The following DYNC1I1 variants were observed in gnomAD, a reference collection of about 807,000 sequenced individuals.
DYNC1I1 encodes the protein dynein cytoplasmic 1 intermediate chain 1, also known as cytoplasmic dynein 1 intermediate chain 1.
A neutral mutation model predicts 86.6 loss-of-function variants in DYNC1I1; 43 were observed. That is an observed-to-expected ratio of 0.50 (90% CI 0.39 to 0.64). The LOEUF is 0.64. Among genes scored for constraint, DYNC1I1 ranks in the 30% least tolerant of loss-of-function variants. DYNC1I1 has a pLI of 0.00. For missense variants in DYNC1I1, 604 were observed against 788.8 expected (o/e 0.77, Z 2.81); for synonymous variants, 262 against 283.7 (o/e 0.92, Z 0.77).
At chr7:95,800,667 C>T (rs1794555218) in intron 1 of DYNC1I1, among the ~76,000 whole-genome samples, 1 of 152,184 alleles carries the variant, frequency 6.6e-6, no homozygotes, top group Non-Finnish European at 1.5e-5. Context: ...GATGATCAGA[C>T]AGGGAGGAGC....
intron 14 of DYNC1I1, among the ~76,000 whole-genome samples, chr7:96,049,806 C>T (rs999248038): frequency 1.8e-4 from 28 of 151,946 alleles, no homozygotes; most frequent in Non-Finnish European, 3.5e-4. Flanking sequence ...CCGAGGTGAG[C>T]GGATCACCTG....
intron 5 of DYNC1I1, among the ~76,000 whole-genome samples, chr7:95,842,696 G>A (rs1379867897): frequency 6.6e-6 from 1 of 152,136 alleles, no homozygotes; most frequent in East Asian, 1.9e-4. Context: ...GCTGAAGTGG[G>A]AATTTTCTCA....
In DYNC1I1 at chr7:96,076,044, C is replaced by T. The variant is rs1790325824; in HGVS notation, c.1510-13C>T. On this transcript the variant is annotated splice_polypyrimidine_tract_variant and intron_variant, in intron 14 of 16. Transcript: ENST00000447467. ...CAGCGCCACAAAGTCTTCACGGTCT[C>T]TCTGCTTTACAGCACAACAAGCCGC... The T allele has an allele frequency of 1.2e-6, 2 of 1,611,924 alleles. No homozygotes were observed. The highest frequency in any genetic ancestry group is 1.7e-5 in the Admixed American group (1 of 59,932).
chr7:95,969,183 A>G (rs1168515371), intron 6 of DYNC1I1, among the ~76,000 whole-genome samples: 5 of 152,160 alleles, frequency 3.3e-5, no homozygotes, highest in African/African-American at 1.2e-4. Context: ...TCATCCAACT[A>G]TTCTCTTCAG....
intron 6 of DYNC1I1, among the ~76,000 whole-genome samples, chr7:95,909,571 C>T (rs1383221966): frequency 6.6e-6 from 1 of 151,958 alleles, no homozygotes; most frequent in Non-Finnish European, 1.5e-5. Context: ...AAGAGAAGGA[C>T]CTGGCAGAAG....
intron 5 of DYNC1I1, among the ~76,000 whole-genome samples, chr7:95,866,817 C>T (rs891511561): frequency 9.9e-5 from 15 of 152,154 alleles, no homozygotes; most frequent in African/African-American, 2.4e-4. Flanking sequence ...GCCAGAAGAA[C>T]CACAAGCTTA....
At chr7:96,021,542 C>G (rs765712173) in intron 10 of DYNC1I1, among the ~76,000 whole-genome samples, 2 of 151,620 alleles carry the variant, frequency 1.3e-5, no homozygotes, top group Non-Finnish European at 2.9e-5. Flanking sequence ...CACAAATTTA[C>G]CCTTTTAAAA....
chr7:95,809,109 G>A (rs1794769572), intron 2 of DYNC1I1, among the ~76,000 whole-genome samples: 1 of 152,080 alleles, frequency 6.6e-6, no homozygotes, highest in Non-Finnish European at 1.5e-5. Flanking sequence ...GCTTTCAAAT[G>A]GTAGTTTTCC....
chr7:96,058,034 A>G (rs919124243), intron 14 of DYNC1I1, among the ~76,000 whole-genome samples: 2 of 152,004 alleles, frequency 1.3e-5, no homozygotes, highest in Non-Finnish European at 1.5e-5. Context: ...TTTTCACTCC[A>G]TTGATCTTTC....
At chr7:95,920,524 A>C (rs980197170) in intron 6 of DYNC1I1, among the ~76,000 whole-genome samples, 5 of 152,230 alleles carry the variant, frequency 3.3e-5, no homozygotes, top group Non-Finnish European at 5.9e-5. Context: ...CAAATGATGC[A>C]GTAACGTATG....
Position 95,780,065 on chromosome 7 carries a change from G to A in DYNC1I1, c.-10+7292G>A, listed in dbSNP as rs542873982. 1.3e-4 allele frequency among the ~76,000 whole-genome samples: 20 copies of A among 152,260 alleles called. No individual in the cohort carries two copies. In the South Asian group the frequency reaches 2.5e-3, roughly 19 times the overall value. Reference sequence around the variant, plus strand: ...GTCTGGCTTTGGTCTGACACTGTCCGATGAGCAGTCCAGTACATTGGCTTC... The same window carrying A: ...GTCTGGCTTTGGTCTGACACTGTCCAATGAGCAGTCCAGTACATTGGCTTC... On this transcript the variant is annotated intron_variant, in intron 1 of 16. Coordinates refer to ENST00000447467, the MANE Select transcript of DYNC1I1 (RefSeq NM_001135556.2).
chr7:95,825,695 A>T (rs530290396), intron 4 of DYNC1I1, among the ~76,000 whole-genome samples: 2 of 152,284 alleles, frequency 1.3e-5, no homozygotes, highest in East Asian at 3.9e-4. Flanking sequence ...CACCCCAGAC[A>T]TTCTGGCTTA....
chr7:96,089,482 GA>G (rs1790776119), intron 16 of DYNC1I1, among the ~76,000 whole-genome samples: 4 of 152,080 alleles, frequency 2.6e-5, no homozygotes, highest in Admixed American at 2.6e-4. Context: ...TGATGCACAG[GA>G]AAAAAATTAC....
At chr7:96,057,760 C>T (rs1036178169) in intron 14 of DYNC1I1, among the ~76,000 whole-genome samples, 1 of 152,106 alleles carries the variant, frequency 6.6e-6, no homozygotes, top group Non-Finnish European at 1.5e-5. Flanking sequence ...AGTCAGGGTA[C>T]TAAATGATTA....
intron 10 of DYNC1I1, among the ~76,000 whole-genome samples, chr7:96,002,664 T>A (rs936369653): frequency 2.0e-5 from 3 of 152,110 alleles, no homozygotes; most frequent in African/African-American, 7.2e-5. Flanking sequence ...GGATGTGACC[T>A]CCCTCCTTAG....
At chr7:96,068,016 C>G (rs1278934938) in intron 14 of DYNC1I1, among the ~76,000 whole-genome samples, 5 of 152,150 alleles carry the variant, frequency 3.3e-5, no homozygotes, top group Non-Finnish European at 7.4e-5. Context: ...AATTAAAACT[C>G]ATCTTTATCC....
chr7:95,773,931 A>T (rs1793773921), intron 1 of DYNC1I1, among the ~76,000 whole-genome samples: 1 of 152,156 alleles, frequency 6.6e-6, no homozygotes, highest in Non-Finnish European at 1.5e-5. Flanking sequence ...GCAATTTGCA[A>T]GCTGAGGGTA....
At chr7:96,046,748 C>A (rs192420504) in intron 14 of DYNC1I1, among the ~76,000 whole-genome samples, 7 of 152,132 alleles carry the variant, frequency 4.6e-5, no homozygotes, top group Non-Finnish European at 1.0e-4. Context: ...ACCAGCAGAC[C>A]TGATTTGAGA....
intron 6 of DYNC1I1, among the ~76,000 whole-genome samples, chr7:95,967,943 T>C (rs897819734): frequency 2.6e-5 from 4 of 152,136 alleles, no homozygotes; most frequent in African/African-American, 4.8e-5. Flanking sequence ...GTAGAGGACA[T>C]TTAAACAGGA....
Sources: allele counts gnomAD v4.1 joint callset (sites outside exome capture counted in the v4.1 genomes callset), GRCh38; gene constraint gnomAD v4.1.1; transcripts MANE v1.5; gene names NCBI Gene and HGNC (gene_info 2026-07-23, HGNC 2026-07-21).